The following KLHL13 variants were observed in gnomAD, a reference collection of about 807,000 sequenced individuals.
The protein encoded by KLHL13 is kelch-like protein 13.
A neutral mutation model predicts 37.1 loss-of-function variants in KLHL13; 10 were observed. The ratio of observed to expected loss-of-function variants is 0.27; its 90% CI spans 0.17 to 0.46. The LOEUF (loss-of-function observed/expected upper bound fraction) is 0.46. Ranked by LOEUF, KLHL13 falls within the 20% of genes least tolerant of loss-of-function variation. The pLI, the probability that KLHL13 is intolerant of heterozygous loss-of-function variation, is 1.00. For synonymous variants in KLHL13, 163 were observed against 181.2 expected (o/e 0.90, Z 0.81); for missense variants, 360 against 509.3 (o/e 0.71, Z 2.82).
At chrX:118,025,090 C>G (rs1232852154) in intron 1 of KLHL13, among the ~76,000 whole-genome samples, 3 of 111,814 alleles carry the variant, frequency 2.7e-5, no homozygotes, top group Non-Finnish European at 3.8e-5. Flanking sequence ...AATTCAACAT[C>G]CCCTGATCTA....
At chrX:118,003,134 G>A (rs2053943751) in intron 1 of KLHL13, among the ~76,000 whole-genome samples, 1 of 112,710 alleles carries the variant, frequency 8.9e-6, no homozygotes, top group South Asian at 3.6e-4. Context: ...AAGGAGGTCA[G>A]ACTTTTTGAA....
chrX:117,940,540 T>G (rs753979757), intron 2 of KLHL13, among the ~76,000 whole-genome samples: 37 of 111,624 alleles, frequency 3.3e-4, no homozygotes, highest in Non-Finnish European at 3.8e-5. Context: ...GGGCAGTATG[T>G]CCATTTTCAC....
At chrX:117,993,249 G>C (rs922798432) in intron 1 of KLHL13, among the ~76,000 whole-genome samples, 7 of 111,493 alleles carry the variant, frequency 6.3e-5, no homozygotes, top group Non-Finnish European at 1.1e-4. Flanking sequence ...AATTGCAATT[G>C]TGACAACATA....
rs533353823 is a variant in KLHL13, at chrX:118,107,682, G to T, written c.-56+8826C>A. Among the ~76,000 whole-genome samples the T allele has an allele frequency of 2.4e-4, 27 of 111,727 alleles. No homozygotes were observed. The South Asian group carries it at 9.9e-3, about 41-fold the overall frequency. ...AGGTGAAGCAAGTTGCCCAACAAAA[G>T]GCAGTCAGGATTTGAACCCAAGCCT... On this transcript the variant is annotated intron_variant, in intron 1 of 6. Transcript: ENST00000371882.
intron 3 of KLHL13, 60 bp from the exon 5 acceptor site, chrX:117,919,777 G>T: frequency 1.2e-6 from 1 of 862,287 alleles, no homozygotes; most frequent in Non-Finnish European, 1.7e-6. Flanking sequence ...ACTCACTTCT[G>T]CTGCTAATTA....
chrX:117,982,781 G>C (rs1452732532), intron 1 of KLHL13, among the ~76,000 whole-genome samples: 4 of 111,932 alleles, frequency 3.6e-5, no homozygotes, highest in Non-Finnish European at 5.6e-5. Context: ...GCTAATTCCT[G>C]CTGAATATCT....
At chrX:118,013,765 G>A (rs2054096446) in intron 1 of KLHL13, among the ~76,000 whole-genome samples, 1 of 112,559 alleles carries the variant, frequency 8.9e-6, no homozygotes. Flanking sequence ...CGAACGGAGA[G>A]ACCGGCTGGA....
chrX:117,936,710 T>G lies in KLHL13; in HGVS notation c.240+8724A>C, dbSNP rs1006728132. Among the ~76,000 whole-genome samples, 59 of 110,844 alleles carry G rather than the reference T, an allele frequency of 5.3e-4. 1 individual carries two copies. The highest frequency in any genetic ancestry group is 1.9e-3 in the African/African-American group (58 of 30,443). On this transcript the variant is annotated intron_variant, in intron 2 of 6. Transcript: ENST00000262820. The stretch of plus-strand genomic sequence containing the variant: ...GGAACCACATCCCATAGCCAGAGCC[T>G]GGTCCATTAATGACGCAGGGGCTCA...
chrX:118,104,592 A>T (rs182796492), intron 1 of KLHL13, among the ~76,000 whole-genome samples: 122 of 112,116 alleles, frequency 1.1e-3, no homozygotes, highest in Non-Finnish European at 2.0e-3. Context: ...GCCTTGAAAG[A>T]CTGTCACCGA....
At chrX:118,065,925 GT>G (rs995205842) in intron 1 of KLHL13, among the ~76,000 whole-genome samples, 3 of 111,137 alleles carry the variant, frequency 2.7e-5, no homozygotes, top group Non-Finnish European at 5.7e-5. Context: ...TCCATTTACT[GT>G]TTTTTTTCTG....
chrX:117,958,339 T>C (rs1195883517), intron 1 of KLHL13, among the ~76,000 whole-genome samples: 2 of 110,865 alleles, frequency 1.8e-5, no homozygotes, highest in South Asian at 3.8e-4. Flanking sequence ...TAATAAAAGT[T>C]ATGTGAATGT....
intron 1 of KLHL13, among the ~76,000 whole-genome samples, chrX:118,029,919 G>T (rs2148028536): frequency 9.0e-6 from 1 of 110,736 alleles, no homozygotes; most frequent in South Asian, 3.9e-4. Flanking sequence ...AGTGAGCCAA[G>T]ATCACAGAAC....
chrX:118,017,577 A>T lies in KLHL13; in HGVS notation c.-55-72002T>A, dbSNP rs762109642. Reference sequence around the variant, plus strand: ...AATGGAGAGAAGTAGAAGAAACATGACTTCACTCATAAAGCCTGTCCTGAC... The same window carrying T: ...AATGGAGAGAAGTAGAAGAAACATGTCTTCACTCATAAAGCCTGTCCTGAC... On this transcript the variant is annotated intron_variant, in intron 1 of 6. Coordinates refer to the KLHL13 transcript ENST00000371882. Among the ~76,000 whole-genome samples, 3 of 110,932 alleles carry T rather than the reference A, an allele frequency of 2.7e-5. No individual in the cohort carries two copies. In the South Asian group the frequency reaches 1.2e-3, roughly 43 times the overall value.
intron 1 of KLHL13, among the ~76,000 whole-genome samples, chrX:118,067,016 G>T (rs2054801930): frequency 9.0e-6 from 1 of 111,398 alleles, no homozygotes; most frequent in Admixed American, 9.6e-5. Context: ...TAACAATGGG[G>T]ATAGGTACTC....
At chrX:117,983,084 T>C in intron 1 of KLHL13, among the ~76,000 whole-genome samples, 1 of 108,098 alleles carries the variant, frequency 9.3e-6, no homozygotes, top group Admixed American at 9.7e-5. Flanking sequence ...TTTCAAACTT[T>C]TTCCATGAGG....
chrX:117,970,305 A>G lies in KLHL13; in HGVS notation c.98+2426T>C, dbSNP rs894175920. Among the ~76,000 whole-genome samples, 47 of 112,041 alleles carry G rather than the reference A, an allele frequency of 4.2e-4. 1 individual carries two copies. In the Admixed American group the frequency reaches 4.4e-3, roughly 10 times the overall value. On this transcript the variant is annotated intron_variant, in intron 1 of 6. Coordinates refer to ENST00000262820, the Ensembl canonical transcript of KLHL13. ...GATGCTACACAAGCATACGTACAAAAAGATCTTATATCACCTATGAAGAAT... is the reference window on the plus strand; with the variant it reads ...GATGCTACACAAGCATACGTACAAAGAGATCTTATATCACCTATGAAGAAT...
At chrX:117,997,063 C>T (rs781015349) in intron 1 of KLHL13, among the ~76,000 whole-genome samples, 2 of 110,479 alleles carry the variant, frequency 1.8e-5, no homozygotes, top group East Asian at 2.8e-4. Context: ...CAAATGCTTT[C>T]GGGAAGACTC....
intron 1 of KLHL13, among the ~76,000 whole-genome samples, chrX:117,980,507 G>C (rs1266900654): frequency 1.8e-5 from 2 of 111,116 alleles, no homozygotes; most frequent in Non-Finnish European, 3.8e-5. Flanking sequence ...CAAAAATGAG[G>C]TTAGAAGATC....
intron 1 of KLHL13, among the ~76,000 whole-genome samples, chrX:118,032,160 G>C (rs1317983192): frequency 9.0e-6 from 1 of 111,212 alleles, no homozygotes; most frequent in Non-Finnish European, 1.9e-5. Context: ...AGCGAGGCTG[G>C]GGGAGGGGCG....
Sources: gnomAD v4.1 joint callset for allele counts (sites outside exome capture counted in the v4.1 genomes callset) on GRCh38, gnomAD v4.1.1 for gene constraint, MANE v1.5 for transcripts, NCBI Gene and HGNC (gene_info 2026-07-23, HGNC 2026-07-21) for gene names.